The following TMEM260 variants were observed in gnomAD, a reference collection of about 807,000 sequenced individuals.
TMEM260 encodes the protein protein O-mannosyl-transferase TMEM260.
A neutral mutation model predicts 88.9 loss-of-function variants in TMEM260; 82 were observed. That is an observed-to-expected ratio of 0.92 (90% CI 0.77 to 1.11). TMEM260 has a LOEUF of 1.11. Among genes scored for constraint, TMEM260 ranks in the 50% least tolerant of loss-of-function variants. The probability of loss-of-function intolerance (pLI) is 0.00; values close to 1 mark genes in which losing one functional copy is unlikely to be tolerated. For missense variants in TMEM260, 902 were observed against 853.4 expected (o/e 1.06, Z -0.71); for synonymous variants, 314 against 309.3 (o/e 1.02, Z -0.16).
chr14:56,589,822 A>G (rs1012733323), intron 3 of TMEM260, among the ~76,000 whole-genome samples: 10 of 152,214 alleles, frequency 6.6e-5, no homozygotes, highest in Non-Finnish European at 1.3e-4. Flanking sequence ...GATTCTGAGC[A>G]CTGTGTCTGC....
intron 15 of TMEM260, among the ~76,000 whole-genome samples, chr14:56,640,137 G>A (rs1431286089): frequency 1.3e-5 from 2 of 152,206 alleles, no homozygotes; most frequent in Non-Finnish European, 2.9e-5. Context: ...TGACAGCTTT[G>A]AAGAGAATAG....
chr14:56,637,846 A>G (rs1375896971), intron 15 of TMEM260, among the ~76,000 whole-genome samples: 1 of 152,180 alleles, frequency 6.6e-6, no homozygotes, highest in Non-Finnish European at 1.5e-5. Flanking sequence ...GAGACAACCA[A>G]GTCTTATCCC....
chr14:56,657,038 A>G, the TMEM260 span, among the ~76,000 whole-genome samples: 1 of 152,082 alleles, frequency 6.6e-6, no homozygotes, highest in Non-Finnish European at 1.5e-5. Flanking sequence ...TCCCAAACTT[A>G]GATTTTACCA....
At position 56,621,614 on chromosome 14, in the gene TMEM260, T is replaced by TA; in HGVS notation, c.1311dup (p.Leu438ThrfsTer17). 6.2e-7 allele frequency: 1 copy of TA among 1,613,670 alleles called. No individual in the cohort carries two copies. The highest frequency in any genetic ancestry group is 8.5e-7 in the Non-Finnish European group (1 of 1,179,792). ...TCTATGCCTCATGATGCAATTATCT[T>TA]ACTCAGAGGAGATTTGCCAGGAAAT... On this transcript the variant is annotated frameshift_variant, in exon 11 of 16. Coordinates refer to ENST00000261556, the MANE Select transcript of TMEM260 (RefSeq NM_017799.4). LOFTEE classifies it high-confidence loss of function.
intron 3 of TMEM260, among the ~76,000 whole-genome samples, chr14:56,595,693 G>T (rs1375531128): frequency 6.6e-6 from 1 of 151,778 alleles, no homozygotes; most frequent in Non-Finnish European, 1.5e-5. Context: ...TCACTATGTT[G>T]CCCAGGCTAG....
At chr14:56,583,991 TG>T (rs1283473950) in intron 1 of TMEM260, among the ~76,000 whole-genome samples, 4 of 6,302 alleles carry the variant, frequency 6.3e-4, no homozygotes, top group African/African-American at 1.1e-3. Context: ...TCCAGCCTTT[TG>T]TGTGTGTGTG....
chr14:56,619,124 A>T (rs1887759548), intron 10 of TMEM260, among the ~76,000 whole-genome samples: 1 of 152,182 alleles, frequency 6.6e-6, no homozygotes, highest in South Asian at 2.1e-4. Context: ...GTATACCCTA[A>T]AATAATTCAC....
intron 12 of TMEM260, among the ~76,000 whole-genome samples, chr14:56,630,432 CT>C (rs898575520): frequency 2.0e-5 from 3 of 151,182 alleles, no homozygotes; most frequent in African/African-American, 7.3e-5. Flanking sequence ...GAACTCTTTG[CT>C]TTTTTTTCAG....
chr14:56,648,833 A>T lies in TMEM260; in HGVS notation c.*1336A>T, dbSNP rs1340319534. ...ACCAGTGCCGAGGGCTTTTGAGTGA[A>T]ATGCCAGTCATGAAGGTGCTTCAAG... On this transcript the variant is annotated 3_prime_UTR_variant, in exon 16 of 16. Transcript: ENST00000261556. The T allele has an allele frequency of 6.6e-6, 1 of 152,630 alleles. No homozygotes were observed. Among genetic ancestry groups the T allele is most frequent in the Non-Finnish European group, 1.5e-5 (1 of 68,038 alleles). 9.5% of individuals were successfully genotyped at this position (152,630 alleles called of 1,614,324 possible). A position where few individuals can be genotyped will look rare whatever the true frequency, so the allele number is the denominator to read the frequency against.
intron 14 of TMEM260, among the ~76,000 whole-genome samples, chr14:56,635,156 T>A (rs536683783): frequency 6.6e-6 from 1 of 152,316 alleles, no homozygotes; most frequent in South Asian, 2.1e-4. Flanking sequence ...GTTATTTTGA[T>A]CCCCATTTTA....
the TMEM260 span, among the ~76,000 whole-genome samples, chr14:56,656,740 A>G: frequency 6.6e-6 from 1 of 152,176 alleles, no homozygotes; most frequent in East Asian, 1.9e-4. Flanking sequence ...ATTCAAATAA[A>G]TTACAATGAT....
intron 14 of TMEM260, among the ~76,000 whole-genome samples, chr14:56,635,820 T>A (rs982613951): frequency 2.0e-5 from 3 of 150,700 alleles, no homozygotes; most frequent in Middle Eastern, 6.8e-3. Context: ...GGTCAAGAAA[T>A]ACAGCTGCAA....
chr14:56,617,505 A>G (rs1055503361), intron 9 of TMEM260, among the ~76,000 whole-genome samples: 8 of 152,134 alleles, frequency 5.3e-5, no homozygotes, highest in African/African-American at 1.9e-4. Flanking sequence ...CACAGTTGTT[A>G]AATAGAAAAG....
chr14:56,594,249 G>T (rs778925131), intron 3 of TMEM260, among the ~76,000 whole-genome samples: 1 of 152,148 alleles, frequency 6.6e-6, no homozygotes, highest in Non-Finnish European at 1.5e-5. Context: ...AGTTAAAATA[G>T]AAAATAGTTT....
Position 56,625,460 on chromosome 14 carries a change from C to A in TMEM260, c.1477C>A (p.Pro493Thr), listed in dbSNP as rs747846333. The change falls in exon 12 of 16, where the codon CCT becomes ACT. Residue 493 changes from proline to threonine, a missense_variant. Physicochemically the swap from Pro to Thr is conservative, Grantham distance 38. Coordinates refer to ENST00000261556, the MANE Select transcript of TMEM260 (RefSeq NM_017799.4). ...GVNFPGNRWN[P>T]VEGILPSGMV... ...CAACTTTCCTGGGAACCGGTGGAAT[C>A]CTGTGGAAGGAATATTACCTAGTGG... The A allele has an allele frequency of 2.5e-6, 4 of 1,613,438 alleles. No individual in the cohort carries two copies. The highest frequency in any genetic ancestry group is 1.7e-4 in the Middle Eastern group (1 of 6,060).
chr14:56,659,266 T>TG, the TMEM260 span, among the ~76,000 whole-genome samples: 3 of 151,654 alleles, frequency 2.0e-5, no homozygotes, highest in African/African-American at 2.4e-5. Context: ...TTTTTGTTTT[T>TG]TTTTTTTTTT....
upstream of TMEM260, chr14:56,579,542 T>C (rs1263187880): frequency 5.2e-6 from 1 of 193,892 alleles, no homozygotes. Context: ...CGACGCTGCT[T>C]TGGTCTCTGT....
At chr14:56,594,878 A>G (rs916696884) in intron 3 of TMEM260, among the ~76,000 whole-genome samples, 3 of 152,228 alleles carry the variant, frequency 2.0e-5, no homozygotes, top group Non-Finnish European at 4.4e-5. Flanking sequence ...TGCCAAAAAA[A>G]TTTTAAATAT....
At chr14:56,587,287 T>G (rs1482452596) in intron 3 of TMEM260, among the ~76,000 whole-genome samples, 1 of 151,940 alleles carries the variant, frequency 6.6e-6, no homozygotes, top group Non-Finnish European at 1.5e-5. Flanking sequence ...AGACATATAT[T>G]TAAATGTTAT....
Sources: gnomAD v4.1 joint callset for allele counts (sites outside exome capture counted in the v4.1 genomes callset) on GRCh38, gnomAD v4.1.1 for gene constraint, MANE v1.5 for transcripts, NCBI Gene and HGNC (gene_info 2026-07-23, HGNC 2026-07-21) for gene names.